SUGP2: variants seen among roughly 807,000 people sequenced by gnomAD.
The protein encoded by SUGP2 is SURP and G-patch domain-containing protein 2.
A neutral mutation model predicts 90.5 loss-of-function variants in SUGP2; 24 were observed. The observed-to-expected ratio is 0.27, with a 90% CI of 0.19 to 0.37. SUGP2 has a LOEUF of 0.37. Ranked by LOEUF, SUGP2 falls within the 10% of genes least tolerant of loss-of-function variation. The pLI, the probability that SUGP2 is intolerant of heterozygous loss-of-function variation, is 1.00. For missense variants in SUGP2, 1,233 were observed against 1,363.3 expected, an observed-to-expected ratio of 0.90 and a Z score of 1.51; for synonymous variants, 473 against 513.4, an observed-to-expected ratio of 0.92 and a Z score of 1.06.
rs1411535507 is a variant in SUGP2, at chr19:18,992,279, T to G, written c.*1462A>C. 1 of 151,458 alleles carries G rather than the reference T, an allele frequency of 6.6e-6. No individual in the cohort carries two copies. Among genetic ancestry groups the G allele is most frequent in the Non-Finnish European group, 1.5e-5 (1 of 67,936 alleles). The allele number at this position is 151,458 out of a possible 1,614,324, so 9.4% of individuals were successfully genotyped here. On this transcript the variant is annotated 3_prime_UTR_variant, in exon 11 of 11. Transcript: ENST00000452918. ...GTTGGCCAGGATGGTCTCGATCTCT[T>G]GACCTCGTGATCCACCTGCCTCGGC...
Position 18,991,635 on chromosome 19 carries a change from G to C in SUGP2, c.*2106C>G, listed in dbSNP as rs1302281635. 1 of 152,296 alleles carries C rather than the reference G, an allele frequency of 6.6e-6. No homozygotes were observed. Among genetic ancestry groups the C allele is most frequent in the African/African-American group, 2.4e-5 (1 of 41,462 alleles). The allele number at this position is 152,296 out of a possible 1,614,324, so 9.4% of individuals were successfully genotyped here. A position where few individuals can be genotyped will look rare whatever the true frequency, so the allele number is the denominator to read the frequency against. On this transcript the variant is annotated 3_prime_UTR_variant, in exon 11 of 11. Transcript: ENST00000452918. ...ATGGAATGGTCAGGGCGATGCTGGA[G>C]AGAGTGCGCTTGATCCACGCTGCAG...
intron 6 of SUGP2, among the ~76,000 whole-genome samples, chr19:19,008,057 C>T (rs966812274): frequency 1.3e-5 from 2 of 152,148 alleles, no homozygotes; most frequent in Non-Finnish European, 2.9e-5. Context: ...TCATGACTTA[C>T]TCCTGGTATA....
At chr19:18,994,209 C>CATAGG (rs1210384367) in intron 10 of SUGP2, 157 bp downstream of exon 10, 21 of 1,020,614 alleles carry the variant, frequency 2.1e-5, no homozygotes, top group Non-Finnish European at 3.1e-5. Context: ...TATCCACATC[C>CATAGG]ATAGACCCTT....
At chr19:19,004,105 C>T in intron 7 of SUGP2, 63 bp downstream of exon 7, 8 of 1,311,642 alleles carry the variant, frequency 6.1e-6, no homozygotes, top group Middle Eastern at 2.8e-4. Context: ...TCTCTTCTAA[C>T]TCTCACAGCC....
intron 4 of SUGP2, among the ~76,000 whole-genome samples, chr19:19,015,732 C>T (rs61230396): frequency 0.013 from 1,912 of 152,108 alleles, 39 homozygotes; most frequent in African/African-American, 0.04. Context: ...CTCGAACTCC[C>T]AACCTCAAGT....
chr19:19,016,404 G>A (rs1302078060), intron 4 of SUGP2, among the ~76,000 whole-genome samples: 1 of 152,064 alleles, frequency 6.6e-6, no homozygotes, highest in African/African-American at 2.4e-5. Context: ...GTGGTCATGA[G>A]ACCACTGGGC....
At chr19:19,031,202 G>A in intron 1 of SUGP2, 120 bp from the exon 2 acceptor site, 1 of 1,029,376 alleles carries the variant, frequency 9.7e-7, no homozygotes, top group Non-Finnish European at 1.4e-6. Flanking sequence ...GAGCTCAGGA[G>A]TTCGAGACCA....
At position 19,009,961 on chromosome 19, in the gene SUGP2, A is replaced by G. The variant is rs200001336; in HGVS notation, c.2232T>C (p.Pro744=). ...CTTCTAAGCTGGGGTCCTGAGGAGA[A>G]GGTCCAACTGGGTCTGGCGGGCAGT... The part of the protein sequence containing the change: ...AKDCPPDPVG[P]SPQDPSLEAS... The change falls in exon 5 of 11, where the codon CCT becomes CCC. Residue 744 remains proline, a synonymous_variant. Coordinates refer to ENST00000452918, the MANE Select transcript of SUGP2 (RefSeq NM_001017392.5). 8.7e-6 allele frequency: 14 copies of G among 1,614,168 alleles called. No homozygotes were observed. The highest frequency in any genetic ancestry group is 1.3e-5 in the African/African-American group (1 of 75,038).
intron 6 of SUGP2, among the ~76,000 whole-genome samples, chr19:19,005,889 A>AC (rs1341976048): frequency 1.3e-4 from 2 of 15,360 alleles, no homozygotes; most frequent in African/African-American, 4.8e-4. Flanking sequence ...ACACACACAC[A>AC]CACCACACAC....
chr19:19,019,295 G>A (rs2145612149), intron 3 of SUGP2, 66 bp from the exon 4 acceptor site: 1 of 1,548,846 alleles, frequency 6.5e-7, no homozygotes, highest in South Asian at 1.2e-5. Flanking sequence ...GACGAGGATA[G>A]TTGAGTAGTT....
chr19:19,008,779 G>A (rs1166224556), intron 5 of SUGP2, among the ~76,000 whole-genome samples: 1 of 152,196 alleles, frequency 6.6e-6, no homozygotes, highest in Non-Finnish European at 1.5e-5. Context: ...GGGATGACAG[G>A]CATGTGGCCC....
chr19:19,024,176 C>T (rs939743679), intron 3 of SUGP2, among the ~76,000 whole-genome samples: 28 of 152,240 alleles, frequency 1.8e-4, no homozygotes, highest in Admixed American at 1.0e-3. Flanking sequence ...GTGGGGTGAT[C>T]TCAGCTCACT....
intron 3 of SUGP2, among the ~76,000 whole-genome samples, chr19:19,022,565 G>A (rs1023823334): frequency 1.2e-4 from 18 of 152,324 alleles, no homozygotes; most frequent in South Asian, 4.1e-4. Context: ...AAGAGCAGGC[G>A]GTAGCATTTT....
In SUGP2 at chr19:19,025,745, A is replaced by G. The variant is rs769600578; in HGVS notation, c.603T>C (p.Ser201=). Residue 201 remains serine (S), a synonymous_variant, in exon 3 of 11, where the codon TCT becomes TCC. Coordinates refer to ENST00000452918, the MANE Select transcript of SUGP2 (RefSeq NM_001017392.5). ...YDVDHPGEAD[S]VLRGGSQVQA... The stretch of plus-strand genomic sequence containing the variant: ...GGACTTGACTGCCGCCCCTAAGCAC[A>G]GAGTCAGCCTCCCCAGGATGGTCCA... The G allele has an allele frequency of 3.7e-6, 6 of 1,613,922 alleles. No homozygotes were observed. Among genetic ancestry groups the G allele is most frequent in the Non-Finnish European group, 5.1e-6 (6 of 1,180,012 alleles).
chr19:19,020,060 A>T (rs1221359679), intron 3 of SUGP2, among the ~76,000 whole-genome samples: 1 of 142,080 alleles, frequency 7.0e-6, no homozygotes, highest in East Asian at 2.1e-4. Flanking sequence ...CACAAAAAAA[A>T]ATAAATAAAT....
intron 8 of SUGP2, among the ~76,000 whole-genome samples, chr19:18,998,579 T>TGTGTGTGTATGCATGTGTGTGTGC (rs1048709970): frequency 4.0e-5 from 6 of 151,858 alleles, no homozygotes; most frequent in Non-Finnish European, 7.4e-5. Flanking sequence ...AAAGTAGCTG[T>TGTGTGTGTATGCATGTGTGTGTGC]GTGTGTGTAT....
chr19:18,994,422 C>T lies in SUGP2; in HGVS notation c.3193G>A (p.Asp1065Asn), dbSNP rs773129237. 7 of 1,614,070 alleles carry T rather than the reference C, an allele frequency of 4.3e-6. No individual in the cohort carries two copies. The highest frequency in any genetic ancestry group is 1.3e-5 in the African/African-American group (1 of 74,924). Reference sequence around the variant, plus strand: ...TGCATCATCCTCTGTCGGAACACATCGAATGTGTCTTCTTTGTGCTCCTGC... The same window carrying T: ...TGCATCATCCTCTGTCGGAACACATTGAATGTGTCTTCTTTGTGCTCCTGC... ...DGQEHKEDTF[D>N]VFRQRMMQMY... The change falls in exon 10 of 11, where the codon GAT (aspartate) becomes AAT (asparagine). Residue 1065 changes from aspartate to asparagine, a missense_variant. Asp to Asn is a conservative substitution (Grantham distance 23). Coordinates refer to ENST00000452918, the MANE Select transcript of SUGP2 (RefSeq NM_001017392.5).
At position 19,025,694 on chromosome 19, in the gene SUGP2, G is replaced by A. The variant is rs539093812; in HGVS notation, c.654C>T (p.Ile218=). The A allele has an allele frequency of 1.6e-4, 257 of 1,614,022 alleles. 1 individual carries two copies. In the South Asian group the frequency reaches 2.6e-3, roughly 16 times the overall value. ...CTAGGAGGGAACCTTCCTGGTCAAC[G>A]ATGTTTAGAGCTCGACCTCTGGCCT... The part of the protein sequence containing the change: ...QVQARGRALN[I]VDQEGSLLGK... The change falls in exon 3 of 11, where the codon ATC becomes ATT. Residue 218 remains isoleucine (I), a synonymous_variant. Transcript: ENST00000452918.
rs2057973894 is a variant in SUGP2 at position 19,004,388 on chromosome 19, T to C, written c.2709A>G (p.Gly903=). The change falls in exon 7 of 11, where the codon GGA becomes GGG. Residue 903 remains glycine, a synonymous_variant. Transcript: ENST00000452918. ...EEEDEDDEDG[G]EEAPAPGGAG... is the part of the protein sequence containing the mutation. ...CCCCTCCAGGAGCGGGGGCCTCCTCTCCCCCATCCTCATCGTCCTCGTCCT... is the reference window on the plus strand; with the variant it reads ...CCCCTCCAGGAGCGGGGGCCTCCTCCCCCCCATCCTCATCGTCCTCGTCCT... The C allele has an allele frequency of 6.2e-7, 1 of 1,613,874 alleles. No individual in the cohort carries two copies. Among genetic ancestry groups the C allele is most frequent in the East Asian group, 2.2e-5 (1 of 44,842 alleles).
Sources: gnomAD v4.1 joint callset for allele counts (sites outside exome capture counted in the v4.1 genomes callset) on GRCh38, gnomAD v4.1.1 for gene constraint, MANE v1.5 for transcripts, NCBI Gene and HGNC (gene_info 2026-07-23, HGNC 2026-07-21) for gene names.